Variants in LY6K observed in about 807,000 individuals in gnomAD.
The protein encoded by LY6K is lymphocyte antigen 6K.
A neutral mutation model predicts 10.4 loss-of-function variants in LY6K; 9 were observed. The observed-to-expected ratio is 0.87, with a 90% CI of 0.52 to 1.52. LY6K has a LOEUF of 1.52. LY6K is among the 40% of genes most tolerant of loss of function. The probability of loss-of-function intolerance (pLI) is 0.00; values close to 1 mark genes in which losing one functional copy is unlikely to be tolerated. For synonymous variants in LY6K, 98 were observed against 83.7 expected (o/e 1.17, Z -0.94); for missense variants, 217 against 211.7 (o/e 1.02, Z -0.15).
In LY6K at chr8:142,704,223, A is replaced by G. The variant is rs1281114306; in HGVS notation, c.*852A>G. On this transcript the variant is annotated 3_prime_UTR_variant, in exon 3 of 3. Transcript: ENST00000292430. ...TGTTTTATTTCTCAGCATGAGCTCC[A>G]TCAAGGTCGAGACGCTTCTGCAAGT... 6.6e-6 allele frequency: 1 copy of G among 152,264 alleles called. No individual in the cohort carries two copies. The highest frequency in any genetic ancestry group is 1.5e-5 in the Non-Finnish European group (1 of 68,048). The allele number at this position is 152,264 out of a possible 1,614,324, so 9.4% of individuals were successfully genotyped here.
Position 142,703,694 on chromosome 8 carries a change from G to A in LY6K, c.*323G>A, listed in dbSNP as rs1815131764. On this transcript the variant is annotated 3_prime_UTR_variant, in exon 3 of 3. Transcript: ENST00000292430. ...TGCCTCTGAGGGCTTCAGTATTGATGGGGAGGGAGGCCTAAGTACCACTCA... is the reference window on the plus strand; with the variant it reads ...TGCCTCTGAGGGCTTCAGTATTGATAGGGAGGGAGGCCTAAGTACCACTCA... 6.0e-6 allele frequency: 2 copies of A among 332,372 alleles called. No individual in the cohort carries two copies. Among genetic ancestry groups the A allele is most frequent in the South Asian group, 4.1e-5 (1 of 24,316 alleles). 20.6% of individuals were successfully genotyped at this position (332,372 alleles called of 1,614,324 possible).
intron 2 of LY6K, chr8:142,702,645 A>T: frequency 6.5e-7 from 1 of 1,531,358 alleles, no homozygotes; most frequent in Non-Finnish European, 8.7e-7. Context: ...TGGCAAAATG[A>T]TTTGTACAGT....
Position 142,700,304 on chromosome 8 carries a change from C to T in LY6K, c.-224C>T. The T allele has an allele frequency of 7.9e-7, 1 of 1,273,418 alleles. No homozygotes were observed. The highest frequency in any genetic ancestry group is 2.1e-5 in the South Asian group (1 of 47,358). 78.9% of individuals were successfully genotyped at this position (1,273,418 alleles called of 1,614,324 possible). ...CGGCCGCTCCAACAGCAGCACAAGG[C>T]GGGACTCAGAACCGGCGTTCAGGGC... On this transcript the variant is annotated 5_prime_UTR_variant, in exon 1 of 3. Transcript: ENST00000292430.
rs1387885264 is a variant in LY6K at position 142,700,286 on chromosome 8, T to C, written c.-242T>C. The C allele has an allele frequency of 1.6e-6, 2 of 1,217,010 alleles. No homozygotes were observed. The highest frequency in any genetic ancestry group is 9.1e-5 in the Admixed American group (2 of 21,902). 75.4% of individuals were successfully genotyped at this position (1,217,010 alleles called of 1,614,324 possible). A position where few individuals can be genotyped will look rare whatever the true frequency, so the allele number is the denominator to read the frequency against. On this transcript the variant is annotated 5_prime_UTR_variant, in exon 1 of 3. Transcript: ENST00000292430. The stretch of plus-strand genomic sequence containing the variant: ...CCGTTCCTGCCTGGCCGCCGGCCGC[T>C]CCAACAGCAGCACAAGGCGGGACTC...
chr8:142,700,560 C>G lies in LY6K; in HGVS notation c.33C>G (p.Ala11=). MALLALLLVV[A]LPRVWTDANL... ...TGCTCGCCTTGCTGCTGGTCGTGGCCCTACCGCGGGTGTGGACAGACGCCA... is the reference window on the plus strand; with the variant it reads ...TGCTCGCCTTGCTGCTGGTCGTGGCGCTACCGCGGGTGTGGACAGACGCCA... The change falls in exon 1 of 3, where the codon GCC becomes GCG. Residue 11 remains alanine (A), a synonymous_variant. Transcript: ENST00000292430. 1 of 1,588,446 alleles carries G rather than the reference C, an allele frequency of 6.3e-7. No homozygotes were observed.
At chr8:142,702,960 T>C (rs782176804) in intron 2 of LY6K, 131 bp from the exon 3 acceptor site, 3 of 1,553,640 alleles carry the variant, frequency 1.9e-6, no homozygotes, top group Middle Eastern at 1.7e-4. Context: ...CGACTCCCCC[T>C]TGGTGCCCCA....
rs1814947370 is a variant in LY6K, at chr8:142,700,300, A to G, written c.-228A>G. 7.9e-7 allele frequency: 1 copy of G among 1,260,920 alleles called. No individual in the cohort carries two copies. The highest frequency in any genetic ancestry group is 3.5e-5 in the East Asian group (1 of 28,588). 78.1% of individuals were successfully genotyped at this position (1,260,920 alleles called of 1,614,324 possible). On this transcript the variant is annotated 5_prime_UTR_variant, in exon 1 of 3. Transcript: ENST00000292430. Reference sequence around the variant, plus strand: ...CCGCCGGCCGCTCCAACAGCAGCACAAGGCGGGACTCAGAACCGGCGTTCA... The same window carrying G: ...CCGCCGGCCGCTCCAACAGCAGCACGAGGCGGGACTCAGAACCGGCGTTCA...
chr8:142,701,211 T>C (rs1007326981), intron 1 of LY6K, among the ~76,000 whole-genome samples: 1 of 152,074 alleles, frequency 6.6e-6, no homozygotes, highest in Admixed American at 6.5e-5. Flanking sequence ...TGTGCTTGGA[T>C]GTGGGAGGAC....
At chr8:142,702,979 T>G (rs782672301) in intron 2 of LY6K, 112 bp from the exon 3 acceptor site, 21 of 1,558,988 alleles carry the variant, frequency 1.3e-5, no homozygotes, top group Non-Finnish European at 1.7e-5. Flanking sequence ...CAGTTGACTG[T>G]GCACCTTTGA....
In LY6K at chr8:142,701,733, T is replaced by C. The variant is rs782683860; in HGVS notation, c.217+20T>C. On this transcript the variant is annotated intron_variant, in intron 2 of 2. Coordinates refer to ENST00000292430, the MANE Select transcript of LY6K (RefSeq NM_017527.4). ...CCGTGAGTGAGTATCTTCGCTCTTGTTGGGGACCCAAAGGCAGGTGAACAG... is the reference window on the plus strand; with the variant it reads ...CCGTGAGTGAGTATCTTCGCTCTTGCTGGGGACCCAAAGGCAGGTGAACAG... 8.4e-6 allele frequency: 13 copies of C among 1,549,826 alleles called. No individual in the cohort carries two copies. In the South Asian group the frequency reaches 1.3e-4, roughly 16 times the overall value.
Position 142,700,615 on chromosome 8 carries a change from G to A in LY6K, c.88G>A (p.Asp30Asn), listed in dbSNP as rs1814969832. 1.3e-6 allele frequency: 2 copies of A among 1,563,970 alleles called. No individual in the cohort carries two copies. Among genetic ancestry groups the A allele is most frequent in the East Asian group, 2.5e-5 (1 of 39,552 alleles). The change falls in exon 1 of 3, where the codon GAC (aspartate) becomes AAC (asparagine). Residue 30 changes from aspartate to asparagine, a missense_variant. Asp to Asn is a conservative substitution (Grantham distance 23, BLOSUM62 1). Coordinates refer to ENST00000292430, the MANE Select transcript of LY6K (RefSeq NM_017527.4). ...NLTARQRDPE[D>N]SQRTDEGDNR... ...GACTGCGAGACAACGAGATCCAGAG[G>A]ACTCCCAGCGAACGGGTGAGCCTGG...
Position 142,701,609 on chromosome 8 carries a change from A to G in LY6K, c.113A>G (p.Asp38Gly), listed in dbSNP as rs2129926393. Residue 38 changes from aspartate (D) to glycine (G), a missense_variant, in exon 2 of 3, where the codon GAC becomes GGC. Transcript: ENST00000292430. ...PEDSQRTDEG[D>G]NRVWCHVCER... ...TTATTCCTCCTTTCAGACGAGGGTG[A>G]CAATAGAGTGTGGTGTCATGTTTGT... 1.2e-6 allele frequency: 2 copies of G among 1,608,950 alleles called. No individual in the cohort carries two copies. Among genetic ancestry groups the G allele is most frequent in the East Asian group, 4.5e-5 (2 of 44,856 alleles).
intron 2 of LY6K, chr8:142,702,639 A>C: frequency 6.5e-7 from 1 of 1,532,508 alleles, no homozygotes; most frequent in Non-Finnish European, 8.7e-7. Flanking sequence ...TTAATATGGC[A>C]AAATGATTTG....
intron 1 of LY6K, among the ~76,000 whole-genome samples, chr8:142,701,196 T>C (rs13272904): frequency 0.49 from 74,000 of 151,972 alleles, 18,465 homozygotes; most frequent in African/African-American, 0.6. Flanking sequence ...TGTGCGCTCA[T>C]GTTGTGTGCT....
In LY6K at chr8:142,700,479, C is replaced by T. The variant is rs373958571; in HGVS notation, c.-49C>T. The stretch of plus-strand genomic sequence containing the variant: ...GGAGGCTGCGAAGGTTCCAGAAGGG[C>T]GGGGAGGGGGCGCCGCGCGCTGACC... On this transcript the variant is annotated 5_prime_UTR_variant, in exon 1 of 3. Transcript: ENST00000292430. The T allele has an allele frequency of 3.9e-6, 6 of 1,535,872 alleles. No homozygotes were observed. In the South Asian group the frequency reaches 6.0e-5, roughly 15 times the overall value.
chr8:142,702,616 T>C lies in LY6K; in HGVS notation c.218-475T>C, dbSNP rs934856800. The C allele has an allele frequency of 1.5e-5, 23 of 1,534,918 alleles. No homozygotes were observed. In the African/African-American group the frequency reaches 2.5e-4, roughly 16 times the overall value. On this transcript the variant is annotated intron_variant, in intron 2 of 2. Coordinates refer to ENST00000292430, the MANE Select transcript of LY6K (RefSeq NM_017527.4). ...TGCTTCAGACTCAGTGTGGCCCACA[T>C]CGACTTTATAACTTAATATGGCAAA...
At position 142,700,387 on chromosome 8, in the gene LY6K, G is replaced by A; in HGVS notation, c.-141G>A. 3.0e-6 allele frequency: 4 copies of A among 1,346,066 alleles called. No homozygotes were observed. The highest frequency in any genetic ancestry group is 3.8e-6 in the Non-Finnish European group (4 of 1,053,014). 83.4% of individuals were successfully genotyped at this position (1,346,066 alleles called of 1,614,324 possible). ...CCAAAGACCCCGACAGGCCCCGGCGGGTGGGAGGCGCGCGCCCCGGGGCGG... is the reference window on the plus strand; with the variant it reads ...CCAAAGACCCCGACAGGCCCCGGCGAGTGGGAGGCGCGCGCCCCGGGGCGG... On this transcript the variant is annotated 5_prime_UTR_variant, in exon 1 of 3. Transcript: ENST00000292430.
chr8:142,701,828 T>C (rs1360876040), intron 2 of LY6K, 115 bp downstream of exon 2: 2 of 683,558 alleles, frequency 2.9e-6, no homozygotes, highest in Non-Finnish European at 5.2e-6. Context: ...TAGCCTTTTT[T>C]TTTTTTTATT....
At chr8:142,701,859 G>A (rs1286214157) in intron 2 of LY6K, 146 bp downstream of exon 2, 4 of 603,210 alleles carry the variant, frequency 6.6e-6, no homozygotes, top group Non-Finnish European at 1.2e-5. Context: ...GAGTCAGGCT[G>A]GAGTGCAGTG....
Sources: allele counts gnomAD v4.1 joint callset (sites outside exome capture counted in the v4.1 genomes callset), GRCh38; gene constraint gnomAD v4.1.1; transcripts MANE v1.5; gene names NCBI Gene and HGNC (gene_info 2026-07-23, HGNC 2026-07-21).